EPHA4: variants seen among roughly 807,000 people sequenced by gnomAD.
EPHA4 encodes EPH receptor A4.
EPHA4 carries 19 observed loss-of-function variants against 108.3 expected under a neutral mutation model. That is an observed-to-expected ratio of 0.18 (90% CI 0.12 to 0.26). The LOEUF (loss-of-function observed/expected upper bound fraction) is 0.26, where lower values mean the gene tolerates loss of function less well. EPHA4 is among the 10% of genes least tolerant of loss of function. The pLI is 1.00. For missense variants in EPHA4, 917 were observed against 1,254.0 expected (o/e 0.73, Z 4.06); for synonymous variants, 449 against 455.5 (o/e 0.99, Z 0.18).
chr2:221,564,920 A>AT (rs1482609220), intron 2 of EPHA4, among the ~76,000 whole-genome samples: 2 of 142,536 alleles, frequency 1.4e-5, no homozygotes, highest in African/African-American at 2.6e-5. Context: ...AAGGCAATTG[A>AT]TTTTTTTGGC....
At chr2:221,541,510 G>C (rs982348798) in intron 3 of EPHA4, among the ~76,000 whole-genome samples, 1 of 152,280 alleles carries the variant, frequency 6.6e-6, no homozygotes, top group Admixed American at 6.5e-5. Flanking sequence ...GTCCTAATGG[G>C]GAACTGGAAT....
chr2:221,541,965 C>A (rs1051950460), intron 3 of EPHA4, among the ~76,000 whole-genome samples: 15 of 151,834 alleles, frequency 9.9e-5, no homozygotes, highest in Middle Eastern at 3.4e-3. Flanking sequence ...AGAAAAAAAT[C>A]AAAAAAATAT....
intron 4 of EPHA4, among the ~76,000 whole-genome samples, chr2:221,487,235 T>C (rs1354280894): frequency 6.6e-6 from 1 of 152,186 alleles, no homozygotes; most frequent in Non-Finnish European, 1.5e-5. Context: ...GATAGTTGCC[T>C]AGATAGTTGC....
At chr2:221,486,464 C>A (rs928970526) in intron 4 of EPHA4, among the ~76,000 whole-genome samples, 1 of 152,098 alleles carries the variant, frequency 6.6e-6, no homozygotes, top group African/African-American at 2.4e-5. Flanking sequence ...GGCACAGTGG[C>A]TCACGCCTAT....
chr2:221,544,989 A>T (rs1285124101), intron 3 of EPHA4, among the ~76,000 whole-genome samples: 1 of 152,142 alleles, frequency 6.6e-6, no homozygotes, highest in African/African-American at 2.4e-5. Flanking sequence ...AGCCTCCAGA[A>T]CTGTGAGAAA....
At chr2:221,487,824 T>C (rs914874402) in intron 4 of EPHA4, among the ~76,000 whole-genome samples, 1 of 152,190 alleles carries the variant, frequency 6.6e-6, no homozygotes, top group Non-Finnish European at 1.5e-5. Flanking sequence ...GGATTCTCTC[T>C]GTGCCTGCAC....
At chr2:221,468,923 T>C (rs1691396185) in intron 5 of EPHA4, among the ~76,000 whole-genome samples, 1 of 152,252 alleles carries the variant, frequency 6.6e-6, no homozygotes, top group African/African-American at 2.4e-5. Flanking sequence ...TTCAGAAGTG[T>C]TGTGGCTTTG....
intron 5 of EPHA4, among the ~76,000 whole-genome samples, chr2:221,465,474 G>A (rs1365720580): frequency 6.6e-6 from 1 of 152,176 alleles, no homozygotes; most frequent in Admixed American, 6.5e-5. Flanking sequence ...TTTGCATAGG[G>A]AAGTTGAAGG....
chr2:221,564,066 A>G lies in EPHA4; in HGVS notation c.488T>C (p.Ile163Thr). Residue 163 changes from isoleucine (I) to threonine (T), a missense_variant, in exon 3 of 18, where the codon ATC becomes ACC. This residue lies in a region of EPHA4 where 758 missense variants were observed against 1,076.7 expected (regional missense o/e 0.70). Coordinates refer to ENST00000281821, the MANE Select transcript of EPHA4 (RefSeq NM_004438.5). ...CCGGATCTCGGTGTTCAGCTTCATG[A>G]TTCTGTCACCAATGTCCACTTGGGT... ...SFTQVDIGDR[I>T]MKLNTEIRDV... 1.2e-6 allele frequency: 2 copies of G among 1,613,708 alleles called. No individual in the cohort carries two copies. The highest frequency in any genetic ancestry group is 1.7e-6 in the Non-Finnish European group (2 of 1,179,914).
intron 3 of EPHA4, among the ~76,000 whole-genome samples, chr2:221,550,417 G>GA (rs11373120): frequency 0.26 from 31,239 of 121,604 alleles, 3,799 homozygotes; most frequent in East Asian, 0.47. Context: ...ATGAGGAAAG[G>GA]GGAGAGAGAG....
intron 8 of EPHA4, among the ~76,000 whole-genome samples, chr2:221,453,430 C>T (rs1314928921): frequency 6.6e-6 from 1 of 152,108 alleles, no homozygotes; most frequent in African/African-American, 2.4e-5. Context: ...TATTACAGTT[C>T]CCGGTGGTTA....
Position 221,457,966 on chromosome 2 carries a change from T to A in EPHA4, c.1343A>T (p.Gln448Leu). The part of the protein sequence containing the change: ...QAAPSSIALV[Q>L]AKEVTRYSVA... ...ACTGTATCTTGTGACTTCTTTAGCC[T>A]GGACCAAAGCAATGGATGATGGTGC... The change falls in exon 6 of 18, where the codon CAG becomes CTG. Residue 448 changes from glutamine to leucine, a missense_variant. By Grantham distance (113) the Gln-to-Leu change is moderately radical. Transcript: ENST00000281821. 1 of 1,613,600 alleles carries A rather than the reference T, an allele frequency of 6.2e-7. No homozygotes were observed. The highest frequency in any genetic ancestry group is 8.5e-7 in the Non-Finnish European group (1 of 1,179,670).
rs74406592 is a variant in EPHA4 at position 221,524,193 on chromosome 2, G to T, written c.824-23021C>A. 7.9e-5 allele frequency among the ~76,000 whole-genome samples: 12 copies of T among 152,246 alleles called. No individual in the cohort carries two copies. The Middle Eastern group carries it at 0.02, about 259-fold the overall frequency. On this transcript the variant is annotated intron_variant, in intron 3 of 17. Coordinates refer to ENST00000281821, the MANE Select transcript of EPHA4 (RefSeq NM_004438.5). ...CTCCAGAGCAAAGATGTCCAGCCAC[G>T]TCCGTGTGCTGCCTCCTCTCCTGCC...
Position 221,429,947 on chromosome 2 carries a change from G to A in EPHA4, c.2690+11C>T. ...TCTTTCATACATCACTATTAAGTAA[G>A]CATGGCTGACCTGGAGCTCTCCGTC... On this transcript the variant is annotated intron_variant, in intron 15 of 17. Coordinates refer to ENST00000281821, the MANE Select transcript of EPHA4 (RefSeq NM_004438.5). 6.2e-7 allele frequency: 1 copy of A among 1,613,448 alleles called. No individual in the cohort carries two copies. The highest frequency in any genetic ancestry group is 8.5e-7 in the Non-Finnish European group (1 of 1,179,760).
Position 221,568,708 on chromosome 2 carries a change from C to G in EPHA4, c.159+10G>C, listed in dbSNP as rs1301030914. The G allele has an allele frequency of 7.4e-6, 12 of 1,612,016 alleles. No homozygotes were observed. Among genetic ancestry groups the G allele is most frequent in the Non-Finnish European group, 9.3e-6 (11 of 1,178,960 alleles). ...TTACCCTTTGGATCAGAGAGCAACT[C>G]AGGACTTACCCCTCCTTCCAGAGGG... On this transcript the variant is annotated intron_variant, in intron 2 of 17. Coordinates refer to ENST00000281821, the MANE Select transcript of EPHA4 (RefSeq NM_004438.5).
intron 3 of EPHA4, among the ~76,000 whole-genome samples, chr2:221,530,135 T>C (rs1022032377): frequency 2.6e-5 from 4 of 151,040 alleles, no homozygotes; most frequent in Non-Finnish European, 5.9e-5. Flanking sequence ...TTGCACAAAC[T>C]GGTTATTAGA....
chr2:221,514,173 C>A (rs185204285), intron 3 of EPHA4, among the ~76,000 whole-genome samples: 1 of 151,918 alleles, frequency 6.6e-6, no homozygotes, highest in African/African-American at 2.4e-5. Context: ...CGGTTTGAAT[C>A]GGCAGCCGAA....
rs777966096 is a variant in EPHA4 at position 221,436,621 on chromosome 2, G to A, written c.2137-13C>T. The A allele has an allele frequency of 1.2e-5, 20 of 1,612,502 alleles. No homozygotes were observed. The highest frequency in any genetic ancestry group is 1.7e-5 in the Non-Finnish European group (20 of 1,178,870). On this transcript the variant is annotated splice_polypyrimidine_tract_variant and intron_variant, in intron 12 of 17. Transcript: ENST00000281821. Reference sequence around the variant, plus strand: ...TGCCATCATTTTTCTGCATAGAAAAGGAGTGAGGAACAATCTCATTAGCAT... The same window carrying A: ...TGCCATCATTTTTCTGCATAGAAAAAGAGTGAGGAACAATCTCATTAGCAT...
intron 6 of EPHA4, among the ~76,000 whole-genome samples, chr2:221,457,061 C>A (rs1173020600): frequency 1.3e-5 from 2 of 151,972 alleles, no homozygotes; most frequent in East Asian, 3.9e-4. Flanking sequence ...TGGTTGGTGG[C>A]TTTTCTAGTT....
Sources: allele counts gnomAD v4.1 joint callset (sites outside exome capture counted in the v4.1 genomes callset), GRCh38; gene constraint gnomAD v4.1.1; regional missense constraint gnomAD v4.1.1; transcripts MANE v1.5; gene names NCBI Gene and HGNC (gene_info 2026-07-23, HGNC 2026-07-21).